Variants in DPF3 observed in about 807,000 individuals in gnomAD.
DPF3 encodes zinc finger protein DPF3.
In DPF3, 18 loss-of-function variants were observed where a neutral mutation model predicts 56.8. The ratio of observed to expected loss-of-function variants is 0.32; its 90% CI spans 0.22 to 0.47. DPF3 has a LOEUF of 0.47. DPF3 is among the 20% of genes least tolerant of loss of function. The pLI, the probability that DPF3 is intolerant of heterozygous loss-of-function variation, is 1.00. For synonymous variants in DPF3, 188 were observed against 180.2 expected (o/e 1.04, Z -0.35); for missense variants, 403 against 488.8 (o/e 0.82, Z 1.65).
chr14:72,875,666 G>T (rs1034965400), intron 1 of DPF3, among the ~76,000 whole-genome samples: 1 of 152,174 alleles, frequency 6.6e-6, no homozygotes, highest in African/African-American at 2.4e-5. Context: ...TGGAGTGTCT[G>T]AGCTTACAAA....
chr14:72,867,078 A>G (rs1175561821), intron 1 of DPF3, among the ~76,000 whole-genome samples: 1 of 137,660 alleles, frequency 7.3e-6, no homozygotes, highest in Non-Finnish European at 1.7e-5. Flanking sequence ...AATAATTTTT[A>G]TAGAGATGGG....
At chr14:72,750,527 T>C (rs892272346) in intron 3 of DPF3, among the ~76,000 whole-genome samples, 1 of 152,140 alleles carries the variant, frequency 6.6e-6, no homozygotes, top group East Asian at 1.9e-4. Flanking sequence ...ATGCAAAATA[T>C]TCATTGCATC....
At chr14:72,856,053 A>C (rs1481915433) in intron 1 of DPF3, among the ~76,000 whole-genome samples, 1 of 152,214 alleles carries the variant, frequency 6.6e-6, no homozygotes, top group Non-Finnish European at 1.5e-5. Context: ...CTCATTAAAC[A>C]TTTCTGTGGC....
chr14:72,701,895 G>A (rs1232479215), intron 6 of DPF3, among the ~76,000 whole-genome samples: 1 of 152,122 alleles, frequency 6.6e-6, no homozygotes, highest in Admixed American at 6.6e-5. Flanking sequence ...CCTTCTCTCT[G>A]CAGCTGGACT....
intron 3 of DPF3, among the ~76,000 whole-genome samples, chr14:72,744,974 C>T (rs1230597187): frequency 6.6e-6 from 1 of 152,074 alleles, no homozygotes; most frequent in Admixed American, 6.6e-5. Context: ...GACGGCAGAA[C>T]CCAGGTGGGC....
intron 1 of DPF3, among the ~76,000 whole-genome samples, chr14:72,846,611 C>T (rs952013112): frequency 5.3e-5 from 8 of 151,012 alleles, no homozygotes; most frequent in African/African-American, 1.9e-4. Flanking sequence ...GCTGGGATTA[C>T]AGGCGTGAGC....
At chr14:72,836,271 C>T in intron 1 of DPF3, 1 of 985,586 alleles carries the variant, frequency 1.0e-6, no homozygotes, top group South Asian at 4.7e-5. Context: ...CCCTCACTCT[C>T]CCATTTTGCT....
At chr14:72,689,443 C>T (rs1233268232) in intron 7 of DPF3, among the ~76,000 whole-genome samples, 1 of 152,136 alleles carries the variant, frequency 6.6e-6, no homozygotes, top group Non-Finnish European at 1.5e-5. Flanking sequence ...CGCAGATTAG[C>T]CTCTTGGATT....
At chr14:72,703,302 C>G (rs1036794480) in intron 6 of DPF3, among the ~76,000 whole-genome samples, 1 of 152,038 alleles carries the variant, frequency 6.6e-6, no homozygotes, top group African/African-American at 2.4e-5. Context: ...GGGTAAAACA[C>G]CCTGATTTTT....
At chr14:72,881,339 T>TTGTTGTTGC (rs1555516365) in intron 1 of DPF3, among the ~76,000 whole-genome samples, 23 of 141,294 alleles carry the variant, frequency 1.6e-4, no homozygotes, top group African/African-American at 5.8e-4. Context: ...GTTGTTGCTG[T>TTGTTGTTGC]TGTTGTTGTT....
At chr14:72,722,935 A>C (rs1889241535) in intron 5 of DPF3, among the ~76,000 whole-genome samples, 1 of 151,314 alleles carries the variant, frequency 6.6e-6, no homozygotes, top group Non-Finnish European at 1.5e-5. Context: ...GGATGGTCTC[A>C]AGCCTCCAGA....
intron 1 of DPF3, among the ~76,000 whole-genome samples, chr14:72,829,380 C>A (rs1024315756): frequency 2.3e-4 from 35 of 152,112 alleles, no homozygotes; most frequent in Admixed American, 2.3e-3. Flanking sequence ...TCTTTAATCC[C>A]TAATAAACAG....
intron 1 of DPF3, among the ~76,000 whole-genome samples, chr14:72,885,398 GTT>G (rs948467522): frequency 2.1e-5 from 3 of 142,436 alleles, no homozygotes; most frequent in African/African-American, 5.1e-5. Context: ...TTGTTTGTTT[GTT>G]TGTTTGTTTT....
rs369644799 is a variant in DPF3 at position 72,876,283 on chromosome 14, A to C, written c.32+17774T>G. 5.9e-5 allele frequency among the ~76,000 whole-genome samples: 9 copies of C among 152,266 alleles called. No homozygotes were observed. The South Asian group carries it at 1.0e-3, about 18-fold the overall frequency. On this transcript the variant is annotated intron_variant, in intron 1 of 10. Transcript: ENST00000556509. ...CCCACCCCTCTGGGTGGTCCCCTGG[A>C]AAGTATCCAAAATGCATAACAAATG...
At chr14:72,861,883 A>T (rs1386631347) in intron 1 of DPF3, among the ~76,000 whole-genome samples, 1 of 152,192 alleles carries the variant, frequency 6.6e-6, no homozygotes, top group Non-Finnish European at 1.5e-5. Flanking sequence ...TAAGGTTTTA[A>T]TGCATTCATC....
At chr14:72,777,118 T>C (rs537939879) in intron 1 of DPF3, among the ~76,000 whole-genome samples, 202 of 152,194 alleles carry the variant, frequency 1.3e-3, no homozygotes, top group Non-Finnish European at 2.3e-3. Context: ...TGTGGCAGGA[T>C]TGTGGGGGCT....
chr14:72,777,672 C>T (rs556209922), intron 1 of DPF3, among the ~76,000 whole-genome samples: 4 of 152,232 alleles, frequency 2.6e-5, no homozygotes, highest in African/African-American at 9.6e-5. Flanking sequence ...GTGCTGTCTT[C>T]GTGATAGCAA....
At chr14:72,795,413 A>G (rs1892609954) in intron 1 of DPF3, among the ~76,000 whole-genome samples, 1 of 151,746 alleles carries the variant, frequency 6.6e-6, no homozygotes, top group Admixed American at 6.6e-5. Flanking sequence ...GCTATTCAAG[A>G]CCAGAAGCTC....
intron 1 of DPF3, among the ~76,000 whole-genome samples, chr14:72,796,434 CG>C (rs1388852827): frequency 1.3e-5 from 2 of 152,030 alleles, no homozygotes; most frequent in Non-Finnish European, 2.9e-5. Context: ...GCCCGGGAGG[CG>C]GAGGTTACAA....
Sources: gnomAD v4.1 joint callset for allele counts (sites outside exome capture counted in the v4.1 genomes callset) on GRCh38, gnomAD v4.1.1 for gene constraint, MANE v1.5 for transcripts, NCBI Gene and HGNC (gene_info 2026-07-23, HGNC 2026-07-21) for gene names.